Variants in TRIM13 observed in about 807,000 individuals in gnomAD.
TRIM13 encodes tripartite motif containing 13, also known as E3 ubiquitin-protein ligase TRIM13.
In TRIM13, 15 loss-of-function variants were observed where a neutral mutation model predicts 27.1. The ratio of observed to expected loss-of-function variants is 0.55; its 90% CI spans 0.37 to 0.85. The LOEUF (loss-of-function observed/expected upper bound fraction) is 0.85. TRIM13 is among the 40% of genes least tolerant of loss of function. TRIM13 has a pLI of 0.00. For synonymous variants in TRIM13, 193 were observed against 171.5 expected (o/e 1.13, Z -0.98); for missense variants, 402 against 472.2 (o/e 0.85, Z 1.38).
chr13:50,006,699 T>C (rs1874757985), intron 1 of TRIM13, among the ~76,000 whole-genome samples: 2 of 152,150 alleles, frequency 1.3e-5, no homozygotes, highest in South Asian at 4.1e-4. Context: ...GTTGAGTCTT[T>C]ATAGCCATTC....
intron 1 of TRIM13, among the ~76,000 whole-genome samples, chr13:50,001,714 C>A (rs1239889913): frequency 6.6e-6 from 1 of 152,010 alleles, no homozygotes; most frequent in East Asian, 1.9e-4. Flanking sequence ...GTATTGAAAT[C>A]TGATATTTCT....
intron 1 of TRIM13, among the ~76,000 whole-genome samples, chr13:50,003,077 T>C (rs904012882): frequency 1.3e-5 from 2 of 152,154 alleles, no homozygotes; most frequent in Admixed American, 1.3e-4. Context: ...GATTAACTAG[T>C]GTGCTGAGAG....
intron 1 of TRIM13, among the ~76,000 whole-genome samples, chr13:50,003,910 C>T (rs950797804): frequency 3.3e-5 from 5 of 152,160 alleles, no homozygotes; most frequent in Non-Finnish European, 7.4e-5. Flanking sequence ...CAACTAGTGT[C>T]TACTACCACC....
intron 1 of TRIM13, among the ~76,000 whole-genome samples, chr13:50,006,390 ATTCT>A (rs1874714997): frequency 6.6e-6 from 1 of 151,948 alleles, no homozygotes; most frequent in Non-Finnish European, 1.5e-5. Context: ...CACTTGGTAT[ATTCT>A]TTGTTTTCTT....
chr13:50,001,563 GTT>G (rs1874046605), intron 1 of TRIM13, among the ~76,000 whole-genome samples: 1 of 152,074 alleles, frequency 6.6e-6, no homozygotes, highest in East Asian at 1.9e-4. Context: ...TTTAACTACT[GTT>G]TATTCTAGGA....
At chr13:50,011,393 A>G (rs1216913070) in intron 1 of TRIM13, among the ~76,000 whole-genome samples, 3 of 152,194 alleles carry the variant, frequency 2.0e-5, no homozygotes, top group Non-Finnish European at 4.4e-5. Context: ...TGCAACTCTC[A>G]TCTTGTGCTT....
intron 1 of TRIM13, among the ~76,000 whole-genome samples, chr13:50,000,747 T>G (rs1392465669): frequency 6.6e-6 from 1 of 151,386 alleles, no homozygotes; most frequent in Non-Finnish European, 1.5e-5. Context: ...CTCTATTTTC[T>G]GAATTTTCTA....
chr13:50,006,476 T>A (rs1401910478), intron 1 of TRIM13, among the ~76,000 whole-genome samples: 1 of 152,180 alleles, frequency 6.6e-6, no homozygotes, highest in African/African-American at 2.4e-5. Context: ...TAGGTTTCTT[T>A]TATTGAGTGT....
At position 49,997,085 on chromosome 13, in the gene TRIM13, T is replaced by A. The variant is rs943603251; in HGVS notation, c.-685T>A. Reference sequence around the variant, plus strand: ...TGCTTGGCGCGTACCGTGCGGTCCCTGTAGTTGGAGGACGGGCGGTCGCGC... The same window carrying A: ...TGCTTGGCGCGTACCGTGCGGTCCCAGTAGTTGGAGGACGGGCGGTCGCGC... On this transcript the variant is annotated 5_prime_UTR_variant, in exon 1 of 2. Coordinates refer to ENST00000378182, the MANE Select transcript of TRIM13 (RefSeq NM_213590.3). The A allele has an allele frequency of 1.3e-5, 2 of 150,946 alleles. No homozygotes were observed. The highest frequency in any genetic ancestry group is 2.0e-4 in the East Asian group (1 of 5,026). The allele number at this position is 150,946 out of a possible 1,614,324, so 9.4% of individuals were successfully genotyped here.
At chr13:49,999,658 G>A (rs2138335032) in intron 1 of TRIM13, among the ~76,000 whole-genome samples, 1 of 152,308 alleles carries the variant, frequency 6.6e-6, no homozygotes, top group Middle Eastern at 3.4e-3. Context: ...GACTACAAGT[G>A]TGTGGCACCA....
At position 50,012,084 on chromosome 13, in the gene TRIM13, AC is replaced by A. The variant is rs757881658; in HGVS notation, c.146del (p.Pro49GlnfsTer27). On this transcript the variant is annotated frameshift_variant, in exon 2 of 2. Transcript: ENST00000378182. LOFTEE classifies it high-confidence loss of function. ...EGSVRNSLWRPAPFKCPTCRK... is the reference protein window; with the variant it reads ...EGSVRNSLWRXAPFKCPTCRK... ...GGAGTGTGCGGAATTCCTTGTGGAG[AC>A]CAGCTCCATTCAAGTGTCCTACATG... The A allele has an allele frequency of 1.2e-5, 19 of 1,614,134 alleles. No homozygotes were observed. Among genetic ancestry groups the A allele is most frequent in the Non-Finnish European group, 1.6e-5 (19 of 1,180,010 alleles).
intron 1 of TRIM13, among the ~76,000 whole-genome samples, chr13:50,008,453 G>A (rs1875098119): frequency 6.6e-6 from 1 of 151,058 alleles, no homozygotes; most frequent in South Asian, 2.1e-4. Flanking sequence ...ATTGCTTGAG[G>A]CCAGCTAGTA....
chr13:50,015,860 T>G lies in TRIM13; in HGVS notation c.*2696T>G. ...CCTAAGCCGGAACACTCAAGCTTTT[T>G]TCAGGGTGTTTGGCTCTTGCAGCAA... On this transcript the variant is annotated 3_prime_UTR_variant, in exon 2 of 2. Coordinates refer to ENST00000378182, the MANE Select transcript of TRIM13 (RefSeq NM_213590.3). 6.2e-7 allele frequency: 1 copy of G among 1,614,140 alleles called. No homozygotes were observed. The highest frequency in any genetic ancestry group is 8.5e-7 in the Non-Finnish European group (1 of 1,179,978).
rs556230758 is a variant in TRIM13 at position 49,998,843 on chromosome 13, A to G, written c.-7+1080A>G. Reference sequence around the variant, plus strand: ...CTACTCGGGAGGCTGAGGCAGAAGAACCACTTGAACCGGGACGCAGAGGTT... The same window carrying G: ...CTACTCGGGAGGCTGAGGCAGAAGAGCCACTTGAACCGGGACGCAGAGGTT... On this transcript the variant is annotated intron_variant, in intron 1 of 1. Coordinates refer to ENST00000378182, the MANE Select transcript of TRIM13 (RefSeq NM_213590.3). Among the ~76,000 whole-genome samples the G allele has an allele frequency of 1.3e-3, 194 of 150,880 alleles. 2 individuals carry two copies. Among genetic ancestry groups the G allele is most frequent in the African/African-American group, 4.5e-3 (183 of 41,058 alleles).
At position 50,007,022 on chromosome 13, in the gene TRIM13, A is replaced by C. The variant is rs571322042; in HGVS notation, c.-6-4913A>C. ...ATGGTGAAACCCTGTCTCCAGCAAA[A>C]AATACAAAAGTTAGCTGGGCATGGT... On this transcript the variant is annotated intron_variant, in intron 1 of 1. Coordinates refer to ENST00000378182, the MANE Select transcript of TRIM13 (RefSeq NM_213590.3). 1.2e-3 allele frequency among the ~76,000 whole-genome samples: 187 copies of C among 151,702 alleles called. 2 individuals carry two copies. Among genetic ancestry groups the C allele is most frequent in the Non-Finnish European group, 1.3e-3 (87 of 67,944 alleles).
rs779637484 is a variant in TRIM13 at position 50,015,486 on chromosome 13, A to G, written c.*2322A>G. 1.3e-6 allele frequency: 2 copies of G among 1,592,154 alleles called. No homozygotes were observed. Among genetic ancestry groups the G allele is most frequent in the Non-Finnish European group, 1.7e-6 (2 of 1,165,986 alleles). On this transcript the variant is annotated 3_prime_UTR_variant, in exon 2 of 2. Coordinates refer to ENST00000378182, the MANE Select transcript of TRIM13 (RefSeq NM_213590.3). The stretch of plus-strand genomic sequence containing the variant: ...TGATGGTAGCCTCTAGTTTGAAGTG[A>G]GGGAAGAATGAGTAGTCAGGAACTG...
chr13:50,014,359 A>ATATATATATATATATATATATG lies in TRIM13; in HGVS notation c.*1197_*1198insTATATATATATATATATATGTA. On this transcript the variant is annotated 3_prime_UTR_variant, in exon 2 of 2. Coordinates refer to ENST00000378182, the MANE Select transcript of TRIM13 (RefSeq NM_213590.3). ...AAAAAAAAAAAATATATATATATATATACACACACACACACACATATGTAC... is the reference window on the plus strand; with the variant it reads ...AAAAAAAAAAAATATATATATATATATATATATATATATATATATATGTACACACACACACACACATATGTAC... The ATATATATATATATATATATATG allele has an allele frequency of 1.8e-5, 2 of 108,328 alleles. No individual in the cohort carries two copies. The highest frequency in any genetic ancestry group is 7.2e-5 in the African/African-American group (2 of 27,732). 6.7% of individuals were successfully genotyped at this position (108,328 alleles called of 1,614,324 possible).
In TRIM13 at chr13:50,016,279, G is replaced by A. The variant is rs1594595464; in HGVS notation, c.*3115G>A. 3.9e-6 allele frequency: 2 copies of A among 508,358 alleles called. No homozygotes were observed. The highest frequency in any genetic ancestry group is 7.1e-6 in the Non-Finnish European group (2 of 280,068). 31.5% of individuals were successfully genotyped at this position (508,358 alleles called of 1,614,324 possible). A position where few individuals can be genotyped will look rare whatever the true frequency, so the allele number is the denominator to read the frequency against. Reference sequence around the variant, plus strand: ...AGTGAAAGGGGCTATTATTAGGTGGGACAAAAGGAATAAATGAAGACTGCC... The same window carrying A: ...AGTGAAAGGGGCTATTATTAGGTGGAACAAAAGGAATAAATGAAGACTGCC... On this transcript the variant is annotated 3_prime_UTR_variant, in exon 2 of 2. Coordinates refer to ENST00000378182, the MANE Select transcript of TRIM13 (RefSeq NM_213590.3).
chr13:50,015,792 CA>C lies in TRIM13; in HGVS notation c.*2629del, dbSNP rs576707522. Reference sequence around the variant, plus strand: ...CGTTCTCTAGTTGATCTCTTAAACCCATACCTGCTACAGCCAAGACCTGCTC... The same window carrying C: ...CGTTCTCTAGTTGATCTCTTAAACCCTACCTGCTACAGCCAAGACCTGCTC... On this transcript the variant is annotated 3_prime_UTR_variant, in exon 2 of 2. Coordinates refer to ENST00000378182, the MANE Select transcript of TRIM13 (RefSeq NM_213590.3). 2,983 of 1,614,112 alleles carry C rather than the reference CA, an allele frequency of 1.8e-3. 3 individuals are homozygous for C. The highest frequency in any genetic ancestry group is 3.4e-3 in the Admixed American group (202 of 60,014).
Sources: allele counts gnomAD v4.1 joint callset (sites outside exome capture counted in the v4.1 genomes callset), GRCh38; gene constraint gnomAD v4.1.1; transcripts MANE v1.5; gene names NCBI Gene and HGNC (gene_info 2026-07-23, HGNC 2026-07-21).